RBFOX1: variants seen among roughly 807,000 people sequenced by gnomAD.
The protein encoded by RBFOX1 is RNA binding fox-1 homolog 1.
Under a neutral mutation model 57.7 loss-of-function variants are expected in RBFOX1, and 8 were observed. That is an observed-to-expected ratio of 0.14 (90% CI 0.08 to 0.25). RBFOX1 has a LOEUF of 0.25. Among genes scored for constraint, RBFOX1 ranks in the 10% least tolerant of loss-of-function variants. The pLI is 1.00. For synonymous variants in RBFOX1, 326 were observed against 222.4 expected, an observed-to-expected ratio of 1.47 and a Z score of -4.15; for missense variants, 611 against 548.5, an observed-to-expected ratio of 1.11 and a Z score of -1.14.
chr16:7,550,157 C>T (rs751566164), intron 5 of RBFOX1, among the ~76,000 whole-genome samples: 1 of 152,096 alleles, frequency 6.6e-6, no homozygotes, highest in African/African-American at 2.4e-5. Flanking sequence ...TCTCAAACTT[C>T]TGGCCTCAGG....
intron 11 of RBFOX1, among the ~76,000 whole-genome samples, chr16:7,638,679 C>T (rs546305690): frequency 6.6e-6 from 1 of 152,332 alleles, no homozygotes; most frequent in African/African-American, 2.4e-5. Context: ...GTTGCAGCGA[C>T]TCAACTCTTG....
chr16:7,565,125 G>T (rs1489411555), intron 5 of RBFOX1, among the ~76,000 whole-genome samples: 2 of 152,064 alleles, frequency 1.3e-5, no homozygotes, highest in South Asian at 2.1e-4. Context: ...CCGAAGTGTG[G>T]GTTTTAGTTC....
chr16:6,423,708 A>C (rs2093840260), intron 2 of RBFOX1, among the ~76,000 whole-genome samples: 2 of 152,154 alleles, frequency 1.3e-5, no homozygotes, highest in Admixed American at 1.3e-4. Flanking sequence ...ACTGATGGAG[A>C]GACATGCCCC....
At chr16:5,625,729 TG>T (rs2048331296) in intron 3 of RBFOX1, among the ~76,000 whole-genome samples, 2 of 151,068 alleles carry the variant, frequency 1.3e-5, no homozygotes, top group Admixed American at 1.3e-4. Flanking sequence ...AGCAAATTTT[TG>T]TATTTTTGGT....
intron 1 of RBFOX1, among the ~76,000 whole-genome samples, chr16:6,080,890 T>A (rs1597106055): frequency 6.6e-6 from 1 of 152,282 alleles, no homozygotes; most frequent in South Asian, 2.1e-4. Context: ...ATCTATTAAT[T>A]TTAAAGTATT....
Position 5,438,808 on chromosome 16 carries a change from C to G in RBFOX1, c.220-28408C>G, listed in dbSNP as rs117511231. ...ATCCGTCCTGTGGGGGTGTCACGTGCTCAGCCATCTTGCACTCTTTAGGGT... is the reference window on the plus strand; with the variant it reads ...ATCCGTCCTGTGGGGGTGTCACGTGGTCAGCCATCTTGCACTCTTTAGGGT... On this transcript the variant is annotated intron_variant, in intron 1 of 2. Transcript: ENST00000585867. 4.5e-4 allele frequency among the ~76,000 whole-genome samples: 69 copies of G among 152,204 alleles called. No homozygotes were observed. In the East Asian group the frequency reaches 0.013, roughly 29 times the overall value.
intron 4 of RBFOX1, among the ~76,000 whole-genome samples, chr16:7,500,059 C>G (rs528510268): frequency 3.9e-5 from 6 of 152,140 alleles, no homozygotes; most frequent in Non-Finnish European, 7.3e-5. Flanking sequence ...GTACTCTAAG[C>G]TGCAACCCAC....
rs1040651523 is a variant in RBFOX1, at chr16:6,127,886, A to C, written c.-127+107894A>C. On this transcript the variant is annotated intron_variant, in intron 1 of 15. Coordinates refer to ENST00000550418, the MANE Select transcript of RBFOX1 (RefSeq NM_018723.4). ...GGAGAAAAGGGAAGTTTTTGACCTG[A>C]GCATTTTCTCACTTCAGAGAATTGA... 2.4e-4 allele frequency among the ~76,000 whole-genome samples: 37 copies of C among 152,160 alleles called. 1 individual carries two copies. The highest frequency in any genetic ancestry group is 8.9e-4 in the African/African-American group (37 of 41,434).
At chr16:7,652,177 G>A (rs1329991634) in intron 11 of RBFOX1, among the ~76,000 whole-genome samples, 1 of 152,130 alleles carries the variant, frequency 6.6e-6, no homozygotes, top group East Asian at 1.9e-4. Flanking sequence ...AGCACTGGGA[G>A]AGTCAGAGAA....
chr16:7,302,307 G>A (rs2096054557), intron 4 of RBFOX1, among the ~76,000 whole-genome samples: 2 of 152,174 alleles, frequency 1.3e-5, no homozygotes, highest in South Asian at 2.1e-4. Flanking sequence ...AAATAGAGCC[G>A]TGGGATAATT....
chr16:5,254,975 G>A (rs1401463349), intron 1 of RBFOX1, among the ~76,000 whole-genome samples: 1 of 152,156 alleles, frequency 6.6e-6, no homozygotes, highest in Non-Finnish European at 1.5e-5. Flanking sequence ...GTGATGGAGG[G>A]ATTAAGGAAC....
intron 1 of RBFOX1, among the ~76,000 whole-genome samples, chr16:6,175,615 G>A (rs1356012809): frequency 2.0e-5 from 3 of 152,152 alleles, no homozygotes; most frequent in African/African-American, 4.8e-5. Flanking sequence ...TCAAGGGCAC[G>A]CTGTAGGATA....
At chr16:6,927,439 A>AAAC (rs869233820) in intron 3 of RBFOX1, among the ~76,000 whole-genome samples, 1 of 149,658 alleles carries the variant, frequency 6.7e-6, no homozygotes. Context: ...AAAAAAAAAA[A>AAAC]TCCGAACGTC....
chr16:6,978,663 C>T (rs1166762538), intron 3 of RBFOX1, among the ~76,000 whole-genome samples: 1 of 152,092 alleles, frequency 6.6e-6, no homozygotes, highest in Non-Finnish European at 1.5e-5. Flanking sequence ...TTTGTTGTCC[C>T]TTTCTTACCG....
At chr16:7,140,157 CCTCTCTCTCTCTCTCTCTCTCT>C (rs57128710) in intron 4 of RBFOX1, among the ~76,000 whole-genome samples, 1 of 70,888 alleles carries the variant, frequency 1.4e-5, no homozygotes, top group East Asian at 3.5e-4. Flanking sequence ...TCCTTCTCTC[CCTCTCTCTCTCTCTCTCTCTCT>C]CTCTCTCTCT....
At chr16:7,028,300 C>G (rs2041588589) in intron 3 of RBFOX1, among the ~76,000 whole-genome samples, 1 of 152,104 alleles carries the variant, frequency 6.6e-6, no homozygotes, top group Non-Finnish European at 1.5e-5. Context: ...CATGCTCTGA[C>G]TTGGTATAAA....
At chr16:7,212,097 G>T (rs11642675) in intron 4 of RBFOX1, among the ~76,000 whole-genome samples, 3 of 152,148 alleles carry the variant, frequency 2.0e-5, no homozygotes, top group South Asian at 4.1e-4. Context: ...ATGATCAGCG[G>T]TCAAAAGAGA....
At chr16:6,790,213 C>G (rs567964186) in intron 3 of RBFOX1, among the ~76,000 whole-genome samples, 94 of 77,012 alleles carry the variant, frequency 1.2e-3, no homozygotes, top group South Asian at 3.1e-3. Context: ...ATGACAGACT[C>G]TCGCTCTGTC....
At position 5,310,484 on chromosome 16, in the gene RBFOX1, C is replaced by T. The variant is rs563502875; in HGVS notation, c.219+70379C>T. Among the ~76,000 whole-genome samples the T allele has an allele frequency of 4.6e-5, 7 of 152,172 alleles. No homozygotes were observed. In the East Asian group the frequency reaches 7.7e-4, roughly 17 times the overall value. ...ATTTTCCAGGTATAGTGAACTCAGGCACAGTATTCAGCATTTCTGAGTCTC... is the reference window on the plus strand; with the variant it reads ...ATTTTCCAGGTATAGTGAACTCAGGTACAGTATTCAGCATTTCTGAGTCTC... On this transcript the variant is annotated intron_variant, in intron 1 of 2. Transcript: ENST00000585867.
Sources: gnomAD v4.1 joint callset for allele counts (sites outside exome capture counted in the v4.1 genomes callset) on GRCh38, gnomAD v4.1.1 for gene constraint, MANE v1.5 for transcripts, NCBI Gene and HGNC (gene_info 2026-07-23, HGNC 2026-07-21) for gene names.